Variants in UTRN observed in about 807,000 individuals in gnomAD.
The protein encoded by UTRN is dystrophin-related protein 1.
UTRN carries 283 observed loss-of-function variants against 463.9 expected under a neutral mutation model. That is an observed-to-expected ratio of 0.61 (90% confidence interval 0.55 to 0.67). The LOEUF (loss-of-function observed/expected upper bound fraction) is 0.67, where lower values mean the gene tolerates loss of function less well. UTRN is among the 30% of genes least tolerant of loss of function. UTRN has a pLI of 0.00. For synonymous variants in UTRN, 1,442 were observed against 1,431.5 expected (o/e 1.01, Z -0.17); for missense variants, 3,922 against 4,084.3 (o/e 0.96, Z 1.08).
At chr6:144,559,706 T>C (rs1799688961) in intron 50 of UTRN, among the ~76,000 whole-genome samples, 1 of 152,042 alleles carries the variant, frequency 6.6e-6, no homozygotes, top group Non-Finnish European at 1.5e-5. Flanking sequence ...TGTAGACTCA[T>C]CTTCCCATGA....
In UTRN at chr6:144,285,550, T is replaced by C. The variant is rs1803591813; in HGVS notation, c.-364T>C. On this transcript the variant is annotated 5_prime_UTR_variant, in exon 1 of 75. Coordinates refer to ENST00000367545, the MANE Select transcript of UTRN (RefSeq NM_007124.3). ...CTTCCAGGTTTGCGCTTTGACTGTT[T>C]TGTTTTTGGCGGAACTACCAGGCAG... 1.3e-5 allele frequency among the ~76,000 whole-genome samples: 2 copies of C among 152,252 alleles called. No individual in the cohort carries two copies. Among genetic ancestry groups the C allele is most frequent in the South Asian group, 2.1e-4 (1 of 4,838 alleles).
rs1214783995 is a variant in UTRN at position 144,361,073 on chromosome 6, G to A, written c.80-42050G>A. Among the ~76,000 whole-genome samples, 4 of 152,172 alleles carry A rather than the reference G, an allele frequency of 2.6e-5. No individual in the cohort carries two copies. In the South Asian group the frequency reaches 6.2e-4, roughly 24 times the overall value. ...AAAAAGTAATGAATTTAACTTCACC[G>A]ATTCAAGAGACAGGACAGTAAATAT... On this transcript the variant is annotated intron_variant, in intron 2 of 74. Coordinates refer to ENST00000367545, the MANE Select transcript of UTRN (RefSeq NM_007124.3).
chr6:144,322,466 T>C (rs1201545818), intron 2 of UTRN, among the ~76,000 whole-genome samples: 1 of 152,152 alleles, frequency 6.6e-6, no homozygotes, highest in Non-Finnish European at 1.5e-5. Flanking sequence ...GCAGGGGACT[T>C]TGTGGAGCAG....
intron 51 of UTRN, among the ~76,000 whole-genome samples, chr6:144,657,958 T>C (rs1046741794): frequency 6.6e-6 from 1 of 152,156 alleles, no homozygotes; most frequent in African/African-American, 2.4e-5. Flanking sequence ...GTAAAAAGTT[T>C]ATTTGCTGCT....
chr6:144,701,344 T>G (rs1329364914), intron 53 of UTRN, among the ~76,000 whole-genome samples: 2 of 151,974 alleles, frequency 1.3e-5, no homozygotes, highest in Non-Finnish European at 2.9e-5. Context: ...GTAATGCAGA[T>G]GAAGACCATA....
intron 2 of UTRN, among the ~76,000 whole-genome samples, chr6:144,362,166 G>A (rs1421742872): frequency 6.6e-6 from 1 of 152,112 alleles, no homozygotes; most frequent in Non-Finnish European, 1.5e-5. Flanking sequence ...TACATGGGTG[G>A]GGTGGGAATG....
chr6:144,639,875 AG>A (rs1777593817), intron 51 of UTRN, among the ~76,000 whole-genome samples: 1 of 151,834 alleles, frequency 6.6e-6, no homozygotes, highest in Admixed American at 6.6e-5. Flanking sequence ...GAGCGTCTGC[AG>A]ATAATTCTGA....
At position 144,554,864 on chromosome 6, in the gene UTRN, C is replaced by A; in HGVS notation, c.7105C>A (p.Pro2369Thr). 1 of 1,613,990 alleles carries A rather than the reference C, an allele frequency of 6.2e-7. No individual in the cohort carries two copies. Among genetic ancestry groups the A allele is most frequent in the Non-Finnish European group, 8.5e-7 (1 of 1,179,966 alleles). The stretch of plus-strand genomic sequence containing the variant: ...TATTCTTCAGCAAGCCCGACGGGAT[C>A]CACTCACCAAACAAATTTCTGATAA... ...LYILQQARRD[P>T]LTKQISDNQI... The change falls in exon 49 of 75, where the codon CCA (proline) becomes ACA (threonine). Residue 2369 changes from proline (P) to threonine (T), a missense_variant. Physicochemically the swap from Pro to Thr is conservative, Grantham distance 38. Around this residue, in one of 3 missense-constraint regions of UTRN, gnomAD observed 1,309 missense variants for 1,452.6 expected, o/e 0.90. Transcript: ENST00000367545.
At position 144,553,683 on chromosome 6, in the gene UTRN, G is replaced by A. The variant is rs569933632; in HGVS notation, c.6929-1005G>A. 1.4e-4 allele frequency among the ~76,000 whole-genome samples: 21 copies of A among 152,250 alleles called. No individual in the cohort carries two copies. The South Asian group carries it at 2.1e-3, about 15-fold the overall frequency. On this transcript the variant is annotated intron_variant, in intron 48 of 74. Transcript: ENST00000367545. Reference sequence around the variant, plus strand: ...TGTAATCCCAACACTTTGGGAGGCCGAGGCAGACAGATCACGAGGTCAGGA... The same window carrying A: ...TGTAATCCCAACACTTTGGGAGGCCAAGGCAGACAGATCACGAGGTCAGGA...
At chr6:144,293,634 T>A (rs1804436853) in intron 2 of UTRN, among the ~76,000 whole-genome samples, 1 of 152,162 alleles carries the variant, frequency 6.6e-6, no homozygotes, top group African/African-American at 2.4e-5. Flanking sequence ...CATGAAAATC[T>A]AATATTAGGA....
chr6:144,505,666 C>T (rs568016226), intron 34 of UTRN, among the ~76,000 whole-genome samples: 2 of 152,316 alleles, frequency 1.3e-5, no homozygotes, highest in South Asian at 4.1e-4. Context: ...GAGTGTTTTA[C>T]TTCCAATTAT....
chr6:144,726,544 T>C (rs931648720), intron 53 of UTRN, among the ~76,000 whole-genome samples: 1 of 152,160 alleles, frequency 6.6e-6, no homozygotes, highest in Non-Finnish European at 1.5e-5. Flanking sequence ...CCTGGTCTAG[T>C]GGAGCTTATA....
intron 74 of UTRN, among the ~76,000 whole-genome samples, chr6:144,847,771 T>C (rs1008077890): frequency 1.3e-5 from 2 of 152,224 alleles, no homozygotes; most frequent in African/African-American, 4.8e-5. Context: ...CTTCTATCTT[T>C]GCAAGTAGCT....
chr6:144,611,422 A>G (rs1290692613), intron 51 of UTRN, among the ~76,000 whole-genome samples: 3 of 152,210 alleles, frequency 2.0e-5, no homozygotes, highest in Admixed American at 2.0e-4. Flanking sequence ...GGAAGAAATG[A>G]AATTGTCTCC....
At chr6:144,486,498 A>G (rs1792464008) in intron 28 of UTRN, among the ~76,000 whole-genome samples, 1 of 152,136 alleles carries the variant, frequency 6.6e-6, no homozygotes, top group African/African-American at 2.4e-5. Context: ...TATTGGATCA[A>G]AGGCTTTGGA....
chr6:144,470,977 G>C (rs559532858), intron 23 of UTRN, among the ~76,000 whole-genome samples: 1 of 150,072 alleles, frequency 6.7e-6, no homozygotes, highest in Non-Finnish European at 1.5e-5. Context: ...ATGGCGGCAG[G>C]ACAGTCCAGC....
intron 2 of UTRN, among the ~76,000 whole-genome samples, chr6:144,384,110 G>T (rs1781184790): frequency 6.6e-6 from 1 of 152,016 alleles, no homozygotes; most frequent in Non-Finnish European, 1.5e-5. Flanking sequence ...CATTTGAAAT[G>T]TACATACATC....
At chr6:144,697,340 A>G (rs931886635) in intron 52 of UTRN, among the ~76,000 whole-genome samples, 1 of 152,194 alleles carries the variant, frequency 6.6e-6, no homozygotes, top group African/African-American at 2.4e-5. Context: ...ACTAGTTATC[A>G]ATAGTCTTAG....
chr6:144,550,440 T>A (rs1451431281), intron 47 of UTRN, among the ~76,000 whole-genome samples: 4 of 152,208 alleles, frequency 2.6e-5, no homozygotes, highest in African/African-American at 9.6e-5. Context: ...CTCCCATATT[T>A]ATTAGCACTG....
Sources: allele counts gnomAD v4.1 joint callset (sites outside exome capture counted in the v4.1 genomes callset), GRCh38; gene constraint gnomAD v4.1.1; regional missense constraint gnomAD v4.1.1; transcripts MANE v1.5; gene names NCBI Gene and HGNC (gene_info 2026-07-23, HGNC 2026-07-21).